Variants in CYFIP1 observed in about 807,000 individuals in gnomAD.
CYFIP1 encodes cytoplasmic FMR1 interacting protein 1.
CYFIP1 carries 58 observed loss-of-function variants against 163.5 expected under a neutral mutation model. The observed-to-expected ratio is 0.35, with a 90% CI of 0.29 to 0.44. The LOEUF (loss-of-function observed/expected upper bound fraction) is 0.44, where lower values mean the gene tolerates loss of function less well. CYFIP1 is among the 20% of genes least tolerant of loss of function. The pLI, the probability that CYFIP1 is intolerant of heterozygous loss-of-function variation, is 1.00. For missense variants in CYFIP1, 1,338 were observed against 1,653.8 expected (o/e 0.81, Z 3.31); for synonymous variants, 663 against 660.7 (o/e 1.00, Z -0.05).
intron 1 of CYFIP1, among the ~76,000 whole-genome samples, chr15:22,959,955 A>G (rs1394289854): frequency 2.6e-5 from 4 of 152,104 alleles, no homozygotes; most frequent in Admixed American, 6.5e-5. Flanking sequence ...TGAATCCCCG[A>G]ATCCCCACGT....
intron 21 of CYFIP1, among the ~76,000 whole-genome samples, chr15:22,905,884 C>T (rs963956980): frequency 4.0e-5 from 6 of 151,834 alleles, no homozygotes; most frequent in African/African-American, 1.2e-4. Flanking sequence ...CTCAGCCTCC[C>T]GAGTAAGCTG....
Position 22,869,871 on chromosome 15 carries a change from G to GA in CYFIP1, c.*156dup. The GA allele has an allele frequency of 4.9e-6, 3 of 611,588 alleles. No homozygotes were observed. Among genetic ancestry groups the GA allele is most frequent in the Non-Finnish European group, 7.4e-6 (3 of 406,366 alleles). 37.9% of individuals were successfully genotyped at this position (611,588 alleles called of 1,614,324 possible). A position where few individuals can be genotyped will look rare whatever the true frequency, so the allele number is the denominator to read the frequency against. On this transcript the variant is annotated 3_prime_UTR_variant, in exon 31 of 31. Coordinates refer to ENST00000617928, the MANE Select transcript of CYFIP1 (RefSeq NM_014608.6). ...CAAAAGCATATACAATTTTAGTCTA[G>GA]AAAAATAAGTCAATTTTATAAAATT...
intron 17 of CYFIP1, 62 bp from the exon 18 acceptor site, chr15:22,912,337 C>T (rs1037868397): frequency 3.2e-6 from 4 of 1,260,984 alleles, no homozygotes; most frequent in African/African-American, 1.5e-5. Context: ...CTCCGACAGC[C>T]TCGCCCCACC....
intron 6 of CYFIP1, among the ~76,000 whole-genome samples, 198 bp downstream of exon 6, chr15:22,942,975 C>T (rs1595670054): frequency 6.6e-6 from 1 of 152,328 alleles, no homozygotes; most frequent in East Asian, 1.9e-4. Flanking sequence ...TGCAAAGCCA[C>T]GATATGCACT....
rs2059482703 is a variant in CYFIP1, at chr15:22,873,086, C to A, written c.3450-114G>T. The A allele has an allele frequency of 2.6e-5, 31 of 1,175,280 alleles. No homozygotes were observed. The South Asian group carries it at 4.7e-4, about 18-fold the overall frequency. 72.8% of individuals were successfully genotyped at this position (1,175,280 alleles called of 1,614,324 possible). ...CCATCTGCATTACTGTCTGTGCCTA[C>A]ACAGTCACCTTCCACAGCCAGGAAG... On this transcript the variant is annotated intron_variant, in intron 29 of 30. Transcript: ENST00000617928.
intron 12 of CYFIP1, 113 bp downstream of exon 12, chr15:22,927,793 G>GAT: frequency 9.4e-7 from 1 of 1,060,286 alleles, no homozygotes; most frequent in South Asian, 1.7e-5. Context: ...TCTACTGATA[G>GAT]ATATTCTCGT....
At chr15:22,951,463 C>T in intron 1 of CYFIP1, 9 of 1,289,440 alleles carry the variant, frequency 7.0e-6, no homozygotes, top group Non-Finnish European at 8.1e-6. Context: ...ACGCAGGCAC[C>T]TCAGGGTGAT....
chr15:22,930,786 A>C (rs1035754450), intron 11 of CYFIP1, among the ~76,000 whole-genome samples: 1 of 152,236 alleles, frequency 6.6e-6, no homozygotes, highest in Non-Finnish European at 1.5e-5. Flanking sequence ...GCTCTTTTTA[A>C]AAGTAAAAAG....
intron 1 of CYFIP1, among the ~76,000 whole-genome samples, chr15:22,964,408 C>CACACACACACACA (rs1941984784): frequency 2.0e-5 from 3 of 148,512 alleles, no homozygotes; most frequent in Non-Finnish European, 4.5e-5. Flanking sequence ...CACACACACA[C>CACACACACACACA]CCGGCAGCCC....
intron 26 of CYFIP1, 121 bp from the exon 27 acceptor site, chr15:22,875,392 T>C (rs953755003): frequency 1.2e-4 from 105 of 856,242 alleles, no homozygotes; most frequent in Middle Eastern, 4.5e-4. Flanking sequence ...GTTTATTTTA[T>C]CTCTGTCAAG....
chr15:22,943,286 G>A lies in CYFIP1; in HGVS notation c.456C>T (p.Phe152=), dbSNP rs1205432049. ...RLCHAERRKD[F]VSEAYLITLG... ...GTGTGATCAGGTAGGCTTCTGACAC[G>A]AAGTCCTTCCTCCTCTCGGCATGGC... Residue 152 remains phenylalanine (F), a synonymous_variant, in exon 6 of 31, where the codon TTC becomes TTT. Transcript: ENST00000617928. The A allele has an allele frequency of 3.7e-6, 6 of 1,614,058 alleles. No individual in the cohort carries two copies. In the Admixed American group the frequency reaches 6.7e-5, roughly 18 times the overall value.
At position 22,874,633 on chromosome 15, in the gene CYFIP1, G is replaced by A. The variant is rs769446808; in HGVS notation, c.3127C>T (p.Leu1043Phe). 14 of 1,600,604 alleles carry A rather than the reference G, an allele frequency of 8.7e-6. No homozygotes were observed. The East Asian group carries it at 3.2e-4, about 36-fold the overall frequency. The change falls in exon 28 of 31, where the codon CTT becomes TTT. Residue 1043 changes from leucine (L) to phenylalanine (F), a missense_variant. This residue lies in a region of CYFIP1 where 306 missense variants were observed against 322.1 expected (regional missense o/e 0.95). Transcript: ENST00000617928. ...TCTAGTCTTTTCATTTTGGCATCAA[G>A]TCTCTCCCCCTCTGCAGTAGAAAAA... ...PRVHVKEGER[L>F]DAKMKRLESK...
intron 1 of CYFIP1, among the ~76,000 whole-genome samples, chr15:22,978,321 C>G (rs1351275395): frequency 2.4e-5 from 3 of 124,532 alleles, no homozygotes; most frequent in African/African-American, 9.3e-5. Flanking sequence ...CACTGCACTC[C>G]AGTCTGGGCC....
At chr15:22,883,816 CAA>C (rs34623284) in intron 23 of CYFIP1, among the ~76,000 whole-genome samples, 6,481 of 74,750 alleles carry the variant, frequency 0.087, 334 homozygotes, top group African/African-American at 0.27. Context: ...GACTTCATCT[CAA>C]AAAAAAAAAA....
chr15:22,940,543 C>T (rs906711214), intron 6 of CYFIP1, among the ~76,000 whole-genome samples: 2 of 152,192 alleles, frequency 1.3e-5, no homozygotes, highest in Non-Finnish European at 1.5e-5. Flanking sequence ...GGAGGCAACA[C>T]CTGAAGCGGA....
rs549875311 is a variant in CYFIP1 at position 22,904,322 on chromosome 15, G to A, written c.2389-417C>T. 2.1e-4 allele frequency: 55 copies of A among 260,336 alleles called. 1 individual carries two copies. Among genetic ancestry groups the A allele is most frequent in the South Asian group, 1.5e-3 (31 of 21,292 alleles). 16.1% of individuals were successfully genotyped at this position (260,336 alleles called of 1,614,324 possible). ...GGTGCCTGAAGTCACTGAAAGGCACGTGTGGGTGGCAGGGCAGGTGCACTT... is the reference window on the plus strand; with the variant it reads ...GGTGCCTGAAGTCACTGAAAGGCACATGTGGGTGGCAGGGCAGGTGCACTT... On this transcript the variant is annotated intron_variant, in intron 21 of 30. Transcript: ENST00000617928.
At position 22,916,783 on chromosome 15, in the gene CYFIP1, T is replaced by C. The variant is rs369375213; in HGVS notation, c.1675-153A>G. ...TCCCCGAGGGGTCCGGGTGCCTGTC[T>C]ACGCGGCCACGTTGCTGCTGCTTTG... On this transcript the variant is annotated intron_variant, in intron 15 of 30. Transcript: ENST00000617928. 2.5e-4 allele frequency: 393 copies of C among 1,592,406 alleles called. 1 individual carries two copies. The African/African-American group carries it at 4.4e-3, about 18-fold the overall frequency.
At chr15:22,872,783 T>C (rs1487130447) in intron 30 of CYFIP1, 42 bp downstream of exon 30, 1 of 1,595,140 alleles carries the variant, frequency 6.3e-7, no homozygotes, top group Non-Finnish European at 8.6e-7. Flanking sequence ...AGTATGCTTT[T>C]GCAAAAGGTC....
At chr15:22,872,293 CA>C (rs11327088) in intron 30 of CYFIP1, among the ~76,000 whole-genome samples, 72,557 of 111,108 alleles carry the variant, frequency 0.65, 21,042 homozygotes, top group Admixed American at 0.73. Context: ...GAAACTGTCT[CA>C]AAAAAAAAAA....
Sources: allele counts gnomAD v4.1 joint callset (sites outside exome capture counted in the v4.1 genomes callset), GRCh38; gene constraint gnomAD v4.1.1; regional missense constraint gnomAD v4.1.1; transcripts MANE v1.5; gene names NCBI Gene and HGNC (gene_info 2026-07-23, HGNC 2026-07-21).